The following SIK3 variants were observed in gnomAD, a reference collection of about 807,000 sequenced individuals.
SIK3 encodes SIK family kinase 3.
SIK3 carries 28 observed loss-of-function variants against 144.2 expected under a neutral mutation model. The observed-to-expected ratio is 0.19, with a 90% confidence interval of 0.14 to 0.27. SIK3 has a LOEUF of 0.27. SIK3 is among the 10% of genes least tolerant of loss of function. The probability of loss-of-function intolerance (pLI) is 1.00; values close to 1 mark genes in which losing one functional copy is unlikely to be tolerated. For synonymous variants in SIK3, 686 were observed against 676.3 expected (o/e 1.01, Z -0.22); for missense variants, 1,319 against 1,776.0 (o/e 0.74, Z 4.62).
chr11:117,028,533 A>C (rs11216241), intron 1 of SIK3, among the ~76,000 whole-genome samples: 56,316 of 151,648 alleles, frequency 0.37, 12,734 homozygotes, highest in African/African-American at 0.64. Context: ...GCCCTTAACA[A>C]TTCCTATAGA....
chr11:117,058,581 T>A (rs1027237727), intron 1 of SIK3, among the ~76,000 whole-genome samples: 2 of 150,714 alleles, frequency 1.3e-5, no homozygotes, highest in South Asian at 4.2e-4. Context: ...GGAAATAACA[T>A]AATAGATTTG....
In SIK3 at chr11:116,844,581, CATATAT is replaced by C. The variant is rs1010403359; in HGVS notation, c.*1056_*1061del. 1 of 114,368 alleles carries C rather than the reference CATATAT, an allele frequency of 8.7e-6. No homozygotes were observed. Among genetic ancestry groups the C allele is most frequent in the African/African-American group, 3.1e-5 (1 of 32,766 alleles). 7.1% of individuals were successfully genotyped at this position (114,368 alleles called of 1,614,324 possible). On this transcript the variant is annotated 3_prime_UTR_variant, in exon 25 of 25. Transcript: ENST00000445177. ...TGACAAAGAGGCTGAAAGAGGAGAG[CATATAT>C]ATATATATTTTATATATATATTATA...
intron 1 of SIK3, among the ~76,000 whole-genome samples, chr11:117,051,718 G>A (rs1306159265): frequency 6.6e-6 from 1 of 151,824 alleles, no homozygotes; most frequent in Admixed American, 6.6e-5. Context: ...TAATAGAGAT[G>A]GGGTTTCAAC....
At position 117,064,596 on chromosome 11, in the gene SIK3, T is replaced by A. The variant is rs146031318; in HGVS notation, c.273+33547A>T. Among the ~76,000 whole-genome samples the A allele has an allele frequency of 4.6e-5, 7 of 152,320 alleles. No individual in the cohort carries two copies. In the East Asian group the frequency reaches 1.2e-3, roughly 25 times the overall value. On this transcript the variant is annotated intron_variant, in intron 1 of 24. Coordinates refer to ENST00000445177, the MANE Select transcript of SIK3 (RefSeq NM_001366686.3). ...TAGCATATTATCTTATCAGACTTCA[T>A]AATTCTCCACTGCTGCCTAGATCTT...
chr11:116,852,237 TTTA>T (rs746254163), intron 21 of SIK3, among the ~76,000 whole-genome samples: 1 of 152,238 alleles, frequency 6.6e-6, no homozygotes, highest in Non-Finnish European at 1.5e-5. Flanking sequence ...CAGACTTGTT[TTTA>T]TCCCTGAGAA....
chr11:117,045,139 G>C (rs1399535484), intron 1 of SIK3, among the ~76,000 whole-genome samples: 1 of 152,178 alleles, frequency 6.6e-6, no homozygotes, highest in Non-Finnish European at 1.5e-5. Flanking sequence ...GCACAAGACA[G>C]AATCAGTCTT....
intron 3 of SIK3, among the ~76,000 whole-genome samples, chr11:116,939,854 G>A (rs1461501743): frequency 6.6e-6 from 1 of 152,216 alleles, no homozygotes; most frequent in Non-Finnish European, 1.5e-5. Context: ...GGGAAGAGAT[G>A]AGGTTGTCAC....
intron 15 of SIK3, 116 bp from the exon 16 acceptor site, chr11:116,863,934 A>G (rs1943491055): frequency 9.5e-7 from 1 of 1,054,666 alleles, no homozygotes; most frequent in South Asian, 1.6e-5. Flanking sequence ...GTAGCCCTGC[A>G]TATTATGCCA....
At chr11:116,893,322 T>C (rs1945229061) in intron 6 of SIK3, among the ~76,000 whole-genome samples, 1 of 151,912 alleles carries the variant, frequency 6.6e-6, no homozygotes, top group Non-Finnish European at 1.5e-5. Context: ...GCACAGAGGG[T>C]ACATGCAAAC....
At chr11:117,048,598 G>C (rs547102949) in intron 1 of SIK3, among the ~76,000 whole-genome samples, 1 of 152,302 alleles carries the variant, frequency 6.6e-6, no homozygotes, top group African/African-American at 2.4e-5. Context: ...GGAGGTTGCA[G>C]TAAGCAGAGA....
At chr11:117,013,012 T>C (rs1951331160) in intron 1 of SIK3, among the ~76,000 whole-genome samples, 1 of 151,986 alleles carries the variant, frequency 6.6e-6, no homozygotes, top group Non-Finnish European at 1.5e-5. Context: ...CCATTTGCCA[T>C]TACTTTTAAT....
At chr11:116,969,602 A>T (rs1264660639) in intron 1 of SIK3, among the ~76,000 whole-genome samples, 1 of 146,592 alleles carries the variant, frequency 6.8e-6, no homozygotes, top group Admixed American at 6.7e-5. Flanking sequence ...GAAACTAAGT[A>T]AAAAAAAATC....
chr11:116,847,733 C>T, intron 22 of SIK3, 125 bp from the exon 23 acceptor site: 1 of 1,148,870 alleles, frequency 8.7e-7, no homozygotes, highest in African/African-American at 1.5e-5. Flanking sequence ...CTCCAGACTC[C>T]TTCCTCTAAA....
chr11:116,989,953 G>A (rs575975237), intron 1 of SIK3, among the ~76,000 whole-genome samples: 58 of 151,306 alleles, frequency 3.8e-4, no homozygotes, highest in African/African-American at 1.2e-3. Flanking sequence ...CAATTTCTGT[G>A]TCTCAATCTT....
At chr11:117,085,328 G>A (rs958074133) in intron 1 of SIK3, among the ~76,000 whole-genome samples, 2 of 152,066 alleles carry the variant, frequency 1.3e-5, no homozygotes, top group African/African-American at 4.8e-5. Flanking sequence ...CTACTACCGT[G>A]CTGCTCAGGC....
intron 1 of SIK3, among the ~76,000 whole-genome samples, chr11:117,071,466 G>A (rs561034787): frequency 7.2e-5 from 11 of 152,062 alleles, no homozygotes; most frequent in African/African-American, 1.2e-4. Context: ...TAAGGACAGA[G>A]GCCATGCCTC....
chr11:117,098,208 G>C lies in SIK3; in HGVS notation c.208C>G (p.Arg70Gly). The C allele has an allele frequency of 6.6e-7, 1 of 1,519,736 alleles. No homozygotes were observed. 94.1% of individuals were successfully genotyped at this position (1,519,736 alleles called of 1,614,324 possible). Reference protein sequence around the residue: ...PARIGYYEIDRTIGKGNFAVV... With the variant: ...PARIGYYEIDGTIGKGNFAVV... ...GCGAAGTTGCCCTTGCCGATGGTGCGGTCGATCTCGTAGTAGCCGATACGG... is the reference window on the plus strand; with the variant it reads ...GCGAAGTTGCCCTTGCCGATGGTGCCGTCGATCTCGTAGTAGCCGATACGG... Residue 70 changes from arginine (R) to glycine (G), a missense_variant, in exon 1 of 25, where the codon CGC becomes GGC. By Grantham distance (125) the Arg-to-Gly change is moderately radical. Transcript: ENST00000445177.
chr11:116,986,475 T>C (rs185206491), intron 1 of SIK3, among the ~76,000 whole-genome samples: 239 of 152,322 alleles, frequency 1.6e-3, no homozygotes, highest in African/African-American at 5.2e-3. Context: ...CAAACATCTG[T>C]CACTTTATTT....
At chr11:117,078,159 A>G (rs1259179209) in intron 1 of SIK3, among the ~76,000 whole-genome samples, 1 of 152,210 alleles carries the variant, frequency 6.6e-6, no homozygotes, top group Non-Finnish European at 1.5e-5. Flanking sequence ...AAGACCCTGA[A>G]GTTGGTTCCT....
Sources: allele counts gnomAD v4.1 joint callset (sites outside exome capture counted in the v4.1 genomes callset), GRCh38; gene constraint gnomAD v4.1.1; transcripts MANE v1.5; gene names NCBI Gene and HGNC (gene_info 2026-07-23, HGNC 2026-07-21).